The following YEATS2 variants were observed in gnomAD, a reference collection of about 807,000 sequenced individuals.
YEATS2 encodes the protein YEATS domain-containing protein 2.
In YEATS2, 77 loss-of-function variants were observed where a neutral mutation model predicts 163.2. That is an observed-to-expected ratio of 0.47 (90% confidence interval 0.39 to 0.57). The LOEUF (loss-of-function observed/expected upper bound fraction) is 0.57. Ranked by LOEUF, YEATS2 falls within the 20% of genes least tolerant of loss-of-function variation. YEATS2 has a pLI of 0.00. For missense variants in YEATS2, 1,549 were observed against 1,729.8 expected, an observed-to-expected ratio of 0.90 and a Z score of 1.85; for synonymous variants, 631 against 645.1, an observed-to-expected ratio of 0.98 and a Z score of 0.33.
intron 15 of YEATS2, among the ~76,000 whole-genome samples, chr3:183,770,286 AG>A (rs1316569458): frequency 3.3e-5 from 5 of 151,906 alleles, no homozygotes; most frequent in Admixed American, 1.3e-4. Context: ...CGGGAGACTG[AG>A]GCAGGAGAAT....
chr3:183,736,591 A>T, intron 7 of YEATS2, 127 bp from the exon 8 acceptor site: 1 of 673,082 alleles, frequency 1.5e-6, no homozygotes, highest in Non-Finnish European at 2.4e-6. Context: ...ATTTAGTTTT[A>T]AACGAGGAAA....
rs200048624 is a variant in YEATS2 at position 183,722,278 on chromosome 3, C to CTT, written c.537+169_537+170dup. 9.0e-4 allele frequency: 279 copies of CTT among 310,280 alleles called. 17 individuals carry two copies. The highest frequency in any genetic ancestry group is 6.0e-3 in the African/African-American group (132 of 22,042). The allele number at this position is 310,280 out of a possible 1,614,324, so 19.2% of individuals were successfully genotyped here. A position where few individuals can be genotyped will look rare whatever the true frequency, so the allele number is the denominator to read the frequency against. ...TCCTTTTATAATGGGGAAACCAAAT[C>CTT]TTTTTTTTTTTTTTTTTTTTTTTTT... On this transcript the variant is annotated intron_variant, in intron 5 of 30. Coordinates refer to ENST00000305135, the MANE Select transcript of YEATS2 (RefSeq NM_018023.5).
chr3:183,799,869 G>A (rs4490385), intron 23 of YEATS2, among the ~76,000 whole-genome samples: 31,964 of 132,472 alleles, frequency 0.24, 3,824 homozygotes, highest in African/African-American at 0.34. Flanking sequence ...GTCTCACTCT[G>A]TCACCCAGGC....
intron 9 of YEATS2, among the ~76,000 whole-genome samples, chr3:183,749,734 A>C (rs1176770810): frequency 6.6e-6 from 1 of 152,120 alleles, no homozygotes; most frequent in Non-Finnish European, 1.5e-5. Context: ...CCTGGGCTCA[A>C]GTAATCTGTC....
At chr3:183,704,657 T>C (rs996973935) in intron 1 of YEATS2, among the ~76,000 whole-genome samples, 1 of 151,786 alleles carries the variant, frequency 6.6e-6, no homozygotes, top group African/African-American at 2.4e-5. Context: ...TGAGACAGAG[T>C]CTCACTCTGT....
chr3:183,703,886 C>T (rs1391223089), intron 1 of YEATS2, among the ~76,000 whole-genome samples: 1 of 151,868 alleles, frequency 6.6e-6, no homozygotes, highest in Non-Finnish European at 1.5e-5. Flanking sequence ...AGGGGCCAGG[C>T]GTAGTGGCTC....
intron 1 of YEATS2, among the ~76,000 whole-genome samples, chr3:183,706,550 C>T (rs1378941484): frequency 6.6e-6 from 1 of 152,192 alleles, no homozygotes; most frequent in Non-Finnish European, 1.5e-5. Context: ...AACCTACACT[C>T]TTATTAAGAT....
At position 183,807,089 on chromosome 3, in the gene YEATS2, G is replaced by C. The variant is rs759966753; in HGVS notation, c.4008G>C (p.Gln1336His). ...PGSEFIGDVT[Q>H]KIGITLQPVA... Reference sequence around the variant, plus strand: ...CTGAATTTATTGGGGATGTCACACAGAAGGTAGGGGTTGTGGTGTTAATAG... The same window carrying C: ...CTGAATTTATTGGGGATGTCACACACAAGGTAGGGGTTGTGGTGTTAATAG... Residue 1336 changes from glutamine to histidine, a missense_variant, in exon 28 of 31, where the codon CAG (glutamine) becomes CAC (histidine). By Grantham distance (24) the Gln-to-His change is conservative. Coordinates refer to ENST00000305135, the MANE Select transcript of YEATS2 (RefSeq NM_018023.5). The C allele has an allele frequency of 1.2e-6, 2 of 1,612,194 alleles. No homozygotes were observed. Among genetic ancestry groups the C allele is most frequent in the Middle Eastern group, 1.7e-4 (1 of 6,052 alleles).
At chr3:183,744,632 T>C (rs1468003841) in intron 8 of YEATS2, among the ~76,000 whole-genome samples, 1 of 152,164 alleles carries the variant, frequency 6.6e-6, no homozygotes, top group Non-Finnish European at 1.5e-5. Context: ...AAAACATCAT[T>C]TTATTGTTTT....
At chr3:183,773,574 T>G in intron 16 of YEATS2, 59 bp from the exon 17 acceptor site, 1 of 1,477,480 alleles carries the variant, frequency 6.8e-7, no homozygotes, top group Non-Finnish European at 9.1e-7. Context: ...TATTTTAATT[T>G]TAGAGTGTTG....
intron 18 of YEATS2, among the ~76,000 whole-genome samples, chr3:183,776,510 C>A (rs115325384): frequency 0.015 from 2,296 of 152,174 alleles, 53 homozygotes; most frequent in African/African-American, 0.053. Context: ...CACCACTGCA[C>A]TCCACCCTGG....
At position 183,786,171 on chromosome 3, in the gene YEATS2, C is replaced by G. The variant is rs764102029; in HGVS notation, c.2783C>G (p.Thr928Ser). ...QASLMKISDS[T>S]LKTVPATSQL... The stretch of plus-strand genomic sequence containing the variant: ...TCTCTAATGAAAATATCCGATAGCA[C>G]CTTGAAGACTGTGCCAGCCACCTCA... Residue 928 changes from threonine (T) to serine (S), a missense_variant, in exon 20 of 31, where the codon ACC (threonine) becomes AGC (serine). Coordinates refer to ENST00000305135, the MANE Select transcript of YEATS2 (RefSeq NM_018023.5). 1.2e-6 allele frequency: 2 copies of G among 1,614,134 alleles called. No individual in the cohort carries two copies. The highest frequency in any genetic ancestry group is 4.5e-5 in the East Asian group (2 of 44,884).
intron 15 of YEATS2, among the ~76,000 whole-genome samples, chr3:183,766,973 C>T (rs1490095609): frequency 6.6e-6 from 1 of 152,008 alleles, no homozygotes; most frequent in African/African-American, 2.4e-5. Context: ...CTGTGCCTGG[C>T]CAAAGTATGT....
At chr3:183,797,268 T>TG (rs1553883089) in intron 21 of YEATS2, among the ~76,000 whole-genome samples, 11 of 82,378 alleles carry the variant, frequency 1.3e-4, no homozygotes, top group Non-Finnish European at 1.9e-4. Context: ...GATCCAACTC[T>TG]GAAAAAAAAA....
intron 1 of YEATS2, among the ~76,000 whole-genome samples, chr3:183,701,220 A>C (rs991713591): frequency 3.3e-5 from 5 of 150,586 alleles, no homozygotes; most frequent in Admixed American, 2.7e-4. Context: ...AGGTGGGACT[A>C]CAGGCACCCA....
intron 15 of YEATS2, among the ~76,000 whole-genome samples, chr3:183,765,477 G>A (rs911756351): frequency 1.3e-5 from 2 of 152,130 alleles, no homozygotes; most frequent in African/African-American, 4.8e-5. Context: ...ATGGTTTAAG[G>A]GCATCTGAAA....
intron 8 of YEATS2, among the ~76,000 whole-genome samples, chr3:183,737,793 T>A (rs1344847037): frequency 6.6e-6 from 1 of 152,230 alleles, no homozygotes; most frequent in Non-Finnish European, 1.5e-5. Flanking sequence ...ACTGCCCTTA[T>A]AAGAAGTGAA....
chr3:183,810,699 C>A lies in YEATS2; in HGVS notation c.*116C>A. The A allele has an allele frequency of 1.1e-6, 1 of 873,878 alleles. No individual in the cohort carries two copies. Among genetic ancestry groups the A allele is most frequent in the Non-Finnish European group, 1.8e-6 (1 of 548,604 alleles). 54.1% of individuals were successfully genotyped at this position (873,878 alleles called of 1,614,324 possible). A position where few individuals can be genotyped will look rare whatever the true frequency, so the allele number is the denominator to read the frequency against. On this transcript the variant is annotated 3_prime_UTR_variant, in exon 31 of 31. Transcript: ENST00000305135. ...GTGTGACTCGGCATGTCATGGCTAC[C>A]CAACCTTTGCCGCTGCCTGTTCCCA...
chr3:183,764,525 T>C (rs1468842606), intron 15 of YEATS2, among the ~76,000 whole-genome samples: 1 of 152,094 alleles, frequency 6.6e-6, no homozygotes, highest in Non-Finnish European at 1.5e-5. Flanking sequence ...TAAAAATTCA[T>C]AGAGCTTGTC....
Sources: gnomAD v4.1 joint callset for allele counts (sites outside exome capture counted in the v4.1 genomes callset) on GRCh38, gnomAD v4.1.1 for gene constraint, MANE v1.5 for transcripts, NCBI Gene and HGNC (gene_info 2026-07-23, HGNC 2026-07-21) for gene names.